Variants in WWTR1 observed in about 807,000 individuals in gnomAD.
WWTR1 encodes the protein WW domain-containing transcription regulator protein 1.
WWTR1 carries 13 observed loss-of-function variants against 40.1 expected under a neutral mutation model. That is an observed-to-expected ratio of 0.32 (90% CI 0.21 to 0.52). The LOEUF (loss-of-function observed/expected upper bound fraction) is 0.52. WWTR1 is among the 20% of genes least tolerant of loss of function. The pLI, the probability that WWTR1 is intolerant of heterozygous loss-of-function variation, is 0.97. For missense variants in WWTR1, 436 were observed against 523.1 expected, an observed-to-expected ratio of 0.83 and a Z score of 1.63; for synonymous variants, 230 against 210.1, an observed-to-expected ratio of 1.09 and a Z score of -0.82.
intron 3 of WWTR1, among the ~76,000 whole-genome samples, chr3:149,569,131 A>G (rs903265218): frequency 6.6e-6 from 1 of 152,200 alleles, no homozygotes; most frequent in African/African-American, 2.4e-5. Context: ...AGGTAACTTA[A>G]ACATTTCCAC....
chr3:149,714,709 C>T (rs1173916940), intron 5 of WWTR1, among the ~76,000 whole-genome samples: 2 of 152,220 alleles, frequency 1.3e-5, no homozygotes, highest in Non-Finnish European at 2.9e-5. Context: ...CCCCAGGAAA[C>T]TCCTACCTTC....
At chr3:149,560,147 T>C (rs1348112249) in intron 3 of WWTR1, among the ~76,000 whole-genome samples, 1 of 152,184 alleles carries the variant, frequency 6.6e-6, no homozygotes, top group Non-Finnish European at 1.5e-5. Context: ...ATGAGCAAGC[T>C]AAGAGTGGAG....
At chr3:149,588,638 G>T (rs893976179) in intron 2 of WWTR1, among the ~76,000 whole-genome samples, 4 of 152,142 alleles carry the variant, frequency 2.6e-5, no homozygotes, top group African/African-American at 4.8e-5. Context: ...GAACAAGGGG[G>T]AAGTAGGCTT....
At chr3:149,601,957 T>A (rs1739265908) in intron 2 of WWTR1, among the ~76,000 whole-genome samples, 1 of 152,192 alleles carries the variant, frequency 6.6e-6, no homozygotes, top group African/African-American at 2.4e-5. Context: ...AAGTTACATT[T>A]ACCCACAGAG....
At chr3:149,625,152 C>T (rs1287662560) in intron 2 of WWTR1, among the ~76,000 whole-genome samples, 45 of 117,152 alleles carry the variant, frequency 3.8e-4, no homozygotes, top group African/African-American at 1.5e-3. Flanking sequence ...GACGGAGTCT[C>T]GCTCTGTTGC....
At chr3:149,598,376 A>C (rs1315747667) in intron 2 of WWTR1, among the ~76,000 whole-genome samples, 1 of 152,230 alleles carries the variant, frequency 6.6e-6, no homozygotes, top group Non-Finnish European at 1.5e-5. Context: ...TATTATCCCC[A>C]TCTTATAAAT....
At chr3:149,528,047 T>C in intron 4 of WWTR1, 78 bp from the exon 5 acceptor site, 1 of 1,523,894 alleles carries the variant, frequency 6.6e-7, no homozygotes. Context: ...ACATCAAAAC[T>C]TTTCACCAAA....
At chr3:149,532,781 C>CT (rs1450192873) in intron 4 of WWTR1, among the ~76,000 whole-genome samples, 1 of 152,216 alleles carries the variant, frequency 6.6e-6, no homozygotes, top group Admixed American at 6.5e-5. Context: ...ATGACATCCA[C>CT]TACCCTTGCG....
At chr3:149,523,335 G>A (rs576200723) in intron 6 of WWTR1, among the ~76,000 whole-genome samples, 40 of 151,152 alleles carry the variant, frequency 2.6e-4, no homozygotes, top group African/African-American at 8.0e-4. Context: ...TGCAACCTCC[G>A]CCTCCTGGGT....
At chr3:149,582,296 A>AG (rs1738183217) in intron 2 of WWTR1, among the ~76,000 whole-genome samples, 2 of 151,984 alleles carry the variant, frequency 1.3e-5, no homozygotes, top group Admixed American at 6.6e-5. Context: ...AAAAAAAAAA[A>AG]GGACTGGGAG....
intron 2 of WWTR1, among the ~76,000 whole-genome samples, chr3:149,586,824 A>G (rs774481808): frequency 1.3e-5 from 2 of 152,216 alleles, no homozygotes; most frequent in Non-Finnish European, 2.9e-5. Flanking sequence ...AATTATGCCT[A>G]TGTAATAAAG....
intron 2 of WWTR1, among the ~76,000 whole-genome samples, chr3:149,627,583 G>A (rs1302962113): frequency 6.6e-6 from 1 of 152,110 alleles, no homozygotes; most frequent in Non-Finnish European, 1.5e-5. Context: ...ATGGCTACAG[G>A]AGGCCCCCAA....
chr3:149,605,000 G>A lies in WWTR1; in HGVS notation c.432-32000C>T, dbSNP rs115483239. 3.6e-3 allele frequency among the ~76,000 whole-genome samples: 553 copies of A among 152,348 alleles called. 4 individuals are homozygous for A. The highest frequency in any genetic ancestry group is 0.013 in the African/African-American group (539 of 41,578). On this transcript the variant is annotated intron_variant, in intron 2 of 6. Transcript: ENST00000360632. ...GATTCATGGATAGGCTTCCAAGCCT[G>A]TGCACTGAAGGAGGGAAGGGTCACT...
At position 149,535,553 on chromosome 3, in the gene WWTR1, T is replaced by C. The variant is rs903592303; in HGVS notation, c.771+6782A>G. Among the ~76,000 whole-genome samples, 13 of 152,286 alleles carry C rather than the reference T, an allele frequency of 8.5e-5. 1 individual carries two copies. The highest frequency in any genetic ancestry group is 5.9e-4 in the Admixed American group (9 of 15,300). On this transcript the variant is annotated intron_variant, in intron 4 of 6. Transcript: ENST00000360632. Reference sequence around the variant, plus strand: ...AAACTGCGATACTTTTAGGAAGCCATTTACTAAGTTTGTCATTATTATCTA... The same window carrying C: ...AAACTGCGATACTTTTAGGAAGCCACTTACTAAGTTTGTCATTATTATCTA...
At chr3:149,701,728 C>G in intron 1 of WWTR1, 2 of 174,502 alleles carry the variant, frequency 1.1e-5, no homozygotes, top group Non-Finnish European at 2.5e-5. Context: ...TCTTTTTTGT[C>G]TTTTTAACCG....
chr3:149,664,814 T>C (rs6440631), intron 2 of WWTR1, among the ~76,000 whole-genome samples: 29,604 of 152,030 alleles, frequency 0.19, 3,126 homozygotes, highest in Admixed American at 0.3. Context: ...CTCGAACTCC[T>C]GATCTCAGGT....
chr3:149,692,102 A>T (rs1371641177), intron 1 of WWTR1, among the ~76,000 whole-genome samples: 4 of 152,008 alleles, frequency 2.6e-5, no homozygotes, highest in Non-Finnish European at 5.9e-5. Context: ...ATTCTTCCAA[A>T]CTCATTCTAT....
Position 149,520,734 on chromosome 3 carries a change from G to T in WWTR1, c.*71C>A. 1 of 1,421,670 alleles carries T rather than the reference G, an allele frequency of 7.0e-7. No homozygotes were observed. Among genetic ancestry groups the T allele is most frequent in the South Asian group, 1.7e-5 (1 of 59,918 alleles). The allele number at this position is 1,421,670 out of a possible 1,614,324, so 88.1% of individuals were successfully genotyped here. Reference sequence around the variant, plus strand: ...AGTGGTGCACCTGCAGACTTGCTCTGCTCCATCACTTTTTCCAAGAGGCCC... The same window carrying T: ...AGTGGTGCACCTGCAGACTTGCTCTTCTCCATCACTTTTTCCAAGAGGCCC... On this transcript the variant is annotated 3_prime_UTR_variant, in exon 7 of 7. Transcript: ENST00000360632.
At chr3:149,705,102 A>C (rs190733987), upstream of WWTR1, among the ~76,000 whole-genome samples, 8 of 152,274 alleles carry the variant, frequency 5.3e-5, no homozygotes, top group African/African-American at 1.7e-4. Flanking sequence ...AAACTAGGAA[A>C]ATAAAGCTAA....
Sources: allele counts gnomAD v4.1 joint callset (sites outside exome capture counted in the v4.1 genomes callset), GRCh38; gene constraint gnomAD v4.1.1; transcripts MANE v1.5; gene names NCBI Gene and HGNC (gene_info 2026-07-23, HGNC 2026-07-21).